ZNF724: variants seen among roughly 807,000 people sequenced by gnomAD.
The protein encoded by ZNF724 is zinc finger protein 724.
Under a neutral mutation model 29.3 loss-of-function variants are expected in ZNF724, and 14 were observed. The ratio of observed to expected loss-of-function variants is 0.48; its 90% CI spans 0.32 to 0.75. ZNF724 has a LOEUF of 0.75. Ranked by LOEUF, ZNF724 falls within the 30% of genes least tolerant of loss-of-function variation. The pLI, the probability that ZNF724 is intolerant of heterozygous loss-of-function variation, is 0.04. For synonymous variants in ZNF724, 180 were observed against 193.6 expected (o/e 0.93, Z 0.58); for missense variants, 557 against 571.2 (o/e 0.98, Z 0.25).
intron 3 of ZNF724, among the ~76,000 whole-genome samples, chr19:23,227,555 C>CAAAAAAAAAAAAAAAAAAAAAAAAA (rs1370441801): frequency 2.6e-5 from 2 of 76,054 alleles, no homozygotes; most frequent in African/African-American, 4.5e-5. Context: ...GGCTCCATCT[C>CAAAAAAAAAAAAAAAAAAAAAAAAA]AAAAAAAAAA....
intron 3 of ZNF724, among the ~76,000 whole-genome samples, chr19:23,230,309 T>C (rs975923091): frequency 6.6e-6 from 1 of 152,108 alleles, no homozygotes. Flanking sequence ...TCCAAAGTGA[T>C]CTACAGATTT....
chr19:23,248,027 G>T (rs1972272903), intron 1 of ZNF724, among the ~76,000 whole-genome samples: 1 of 152,038 alleles, frequency 6.6e-6, no homozygotes, highest in African/African-American at 2.4e-5. Flanking sequence ...AAACTAAAGG[G>T]TAGCTGAGGA....
At chr19:23,247,377 T>A (rs979523751) in intron 1 of ZNF724, among the ~76,000 whole-genome samples, 8 of 152,094 alleles carry the variant, frequency 5.3e-5, no homozygotes, top group African/African-American at 1.7e-4. Context: ...CCTTTCAAGC[T>A]CTACTAATAA....
chr19:23,250,354 A>G lies in ZNF724; in HGVS notation c.-112T>C, dbSNP rs989387942. 4.0e-6 allele frequency: 2 copies of G among 498,568 alleles called. No individual in the cohort carries two copies. Among genetic ancestry groups the G allele is most frequent in the Non-Finnish European group, 8.0e-6 (2 of 248,884 alleles). 30.9% of individuals were successfully genotyped at this position (498,568 alleles called of 1,614,324 possible). A position where few individuals can be genotyped will look rare whatever the true frequency, so the allele number is the denominator to read the frequency against. The stretch of plus-strand genomic sequence containing the variant: ...AAGAGCAGGGGACACAAAGCAGGGA[A>G]GACGAGACCAAGCGCTCCAGCTGCA... On this transcript the variant is annotated 5_prime_UTR_variant, in exon 1 of 4. Coordinates refer to ENST00000418100, the MANE Select transcript of ZNF724 (RefSeq NM_001355404.2).
intron 2 of ZNF724, 120 bp downstream of exon 2, chr19:23,232,047 T>C (rs1971943209): frequency 2.1e-6 from 2 of 932,710 alleles, no homozygotes; most frequent in South Asian, 1.5e-5. Context: ...CCCAAGATTT[T>C]CTTAGAAATA....
intron 1 of ZNF724, among the ~76,000 whole-genome samples, chr19:23,244,805 C>T (rs1016291910): frequency 2.0e-5 from 3 of 152,084 alleles, no homozygotes; most frequent in Admixed American, 6.6e-5. Context: ...AAATTATGAG[C>T]CCATTATGAG....
At chr19:23,233,622 G>A (rs959384861) in intron 1 of ZNF724, among the ~76,000 whole-genome samples, 1 of 151,798 alleles carries the variant, frequency 6.6e-6, no homozygotes, top group African/African-American at 2.4e-5. Flanking sequence ...AGAAGGCTCT[G>A]GTATATAGGA....
At chr19:23,225,321 G>A (rs1599635933) in intron 3 of ZNF724, among the ~76,000 whole-genome samples, 1 of 152,046 alleles carries the variant, frequency 6.6e-6, no homozygotes, top group Non-Finnish European at 1.5e-5. Flanking sequence ...TAAAAAAATC[G>A]TGGCCGTGCA....
At chr19:23,227,700 T>G (rs12984355) in intron 3 of ZNF724, among the ~76,000 whole-genome samples, 1 of 152,118 alleles carries the variant, frequency 6.6e-6, no homozygotes, top group Non-Finnish European at 1.5e-5. Context: ...TTAGATATAG[T>G]CTGAAGAAAG....
At chr19:23,243,599 G>A (rs191006476) in intron 1 of ZNF724, among the ~76,000 whole-genome samples, 1 of 150,288 alleles carries the variant, frequency 6.7e-6, no homozygotes, top group Non-Finnish European at 1.5e-5. Context: ...GGGAAAAACA[G>A]ACACAGGCCT....
At chr19:23,235,657 A>G (rs1243706021) in intron 1 of ZNF724, among the ~76,000 whole-genome samples, 1 of 152,188 alleles carries the variant, frequency 6.6e-6, no homozygotes, top group Non-Finnish European at 1.5e-5. Flanking sequence ...ATAAGAAGTA[A>G]AATAGCTGAT....
rs754193084 is a variant in ZNF724, at chr19:23,223,113, A to T, written c.1132T>A (p.Ser378Thr). The change falls in exon 4 of 4, where the codon TCC becomes ACC. Residue 378 changes from serine to threonine, a missense_variant. Physicochemically the swap from Ser to Thr is moderately conservative, Grantham distance 58. Coordinates refer to ENST00000418100, the MANE Select transcript of ZNF724 (RefSeq NM_001355404.2). The stretch of plus-strand genomic sequence containing the variant: ...CTCTTATGTTGAGTAAGAGTTGAGG[A>T]CACGTTAAAGGCTTTGCCACACTCT... ...CEECGKAFNVSSTLTQHKRIH... is the reference protein window; with the variant it reads ...CEECGKAFNVTSTLTQHKRIH... 1 of 1,254,324 alleles carries T rather than the reference A, an allele frequency of 8.0e-7. No individual in the cohort carries two copies. Among genetic ancestry groups the T allele is most frequent in the Non-Finnish European group, 1.2e-6 (1 of 853,134 alleles). 77.7% of individuals were successfully genotyped at this position (1,254,324 alleles called of 1,614,324 possible). A position where few individuals can be genotyped will look rare whatever the true frequency, so the allele number is the denominator to read the frequency against.
At chr19:23,250,102 G>C (rs1354904011) in intron 1 of ZNF724, 138 bp downstream of exon 1, 4 of 521,710 alleles carry the variant, frequency 7.7e-6, no homozygotes, top group Non-Finnish European at 1.6e-5. Flanking sequence ...AGGGGACTGA[G>C]GCCCAGCTGG....
intron 1 of ZNF724, among the ~76,000 whole-genome samples, chr19:23,235,893 T>C (rs543698264): frequency 6.6e-6 from 1 of 152,318 alleles, no homozygotes; most frequent in East Asian, 1.9e-4. Flanking sequence ...TAAACCAGAA[T>C]GTGACATGCA....
intron 1 of ZNF724, among the ~76,000 whole-genome samples, chr19:23,247,221 C>T (rs994624825): frequency 2.0e-5 from 3 of 151,894 alleles, no homozygotes; most frequent in African/African-American, 7.3e-5. Flanking sequence ...AGTGAGACTC[C>T]ATTTCAAAAA....
intron 3 of ZNF724, among the ~76,000 whole-genome samples, chr19:23,230,106 A>G (rs1343280760): frequency 6.6e-6 from 1 of 152,190 alleles, no homozygotes; most frequent in Non-Finnish European, 1.5e-5. Flanking sequence ...ACTATCTGAT[A>G]AAATAAAGGA....
At chr19:23,242,740 AAT>A in intron 1 of ZNF724, 1 of 146,550 alleles carries the variant, frequency 6.8e-6, no homozygotes, top group South Asian at 2.1e-4. Flanking sequence ...TAATAATAAT[AAT>A]AATAATAATA....
chr19:23,231,390 T>C, intron 2 of ZNF724, 29 bp from the exon 3 acceptor site: 1 of 1,278,386 alleles, frequency 7.8e-7, no homozygotes, highest in Non-Finnish European at 1.1e-6. Flanking sequence ...ATAACATGAA[T>C]GTTGCTCATA....
intron 1 of ZNF724, among the ~76,000 whole-genome samples, chr19:23,243,247 G>C (rs1247189164): frequency 6.6e-6 from 1 of 151,600 alleles, no homozygotes. Context: ...TGGAGGCAAG[G>C]AGGGCAGCTT....
Sources: allele counts gnomAD v4.1 joint callset (sites outside exome capture counted in the v4.1 genomes callset), GRCh38; gene constraint gnomAD v4.1.1; transcripts MANE v1.5; gene names NCBI Gene and HGNC (gene_info 2026-07-23, HGNC 2026-07-21).